Variants in PPRC1 observed in about 807,000 individuals in gnomAD.
PPRC1 encodes peroxisome proliferator-activated receptor gamma coactivator-related protein 1.
Under a neutral mutation model 132.5 loss-of-function variants are expected in PPRC1, and 23 were observed. The observed-to-expected ratio is 0.17, with a 90% CI of 0.12 to 0.25. The LOEUF is 0.25. PPRC1 is among the 10% of genes least tolerant of loss of function. PPRC1 has a pLI of 1.00. For synonymous variants in PPRC1, 872 were observed against 833.5 expected (o/e 1.05, Z -0.80); for missense variants, 2,006 against 2,089.1 (o/e 0.96, Z 0.78).
At chr10:102,143,900 G>C (rs577236780) in intron 6 of PPRC1, among the ~76,000 whole-genome samples, 1 of 152,314 alleles carries the variant, frequency 6.6e-6, no homozygotes, top group South Asian at 2.1e-4. Flanking sequence ...AATGATTCCT[G>C]AGTTGGTAAC....
chr10:102,120,389 G>T, the PPRC1 span: 3 of 981,506 alleles, frequency 3.1e-6, no homozygotes, highest in Non-Finnish European at 3.6e-6. Flanking sequence ...GCGTGTGTGC[G>T]CGTGTGCGTG....
chr10:102,135,867 T>C (rs1049859449), intron 1 of PPRC1, among the ~76,000 whole-genome samples: 1 of 152,198 alleles, frequency 6.6e-6, no homozygotes, highest in Admixed American at 6.5e-5. Context: ...GAGGTGCTGA[T>C]GGCTGGCTTA....
chr10:102,145,438 G>T (rs768390584), intron 8 of PPRC1, among the ~76,000 whole-genome samples: 1 of 152,066 alleles, frequency 6.6e-6, no homozygotes, highest in Non-Finnish European at 1.5e-5. Context: ...GGGCGTGGTG[G>T]TACACGCCTG....
At chr10:102,126,414 C>T in the PPRC1 span, among the ~76,000 whole-genome samples, 1 of 151,206 alleles carries the variant, frequency 6.6e-6, no homozygotes, top group East Asian at 1.9e-4. Context: ...GGCCAAACCT[C>T]CAGCATCTAA....
Position 102,133,051 on chromosome 10 carries a change from G to A in PPRC1, c.-18G>A. 8.1e-7 allele frequency: 1 copy of A among 1,240,500 alleles called. No individual in the cohort carries two copies. Among genetic ancestry groups the A allele is most frequent in the Middle Eastern group, 2.9e-4 (1 of 3,412 alleles). 76.8% of individuals were successfully genotyped at this position (1,240,500 alleles called of 1,614,324 possible). A position where few individuals can be genotyped will look rare whatever the true frequency, so the allele number is the denominator to read the frequency against. Reference sequence around the variant, plus strand: ...CGGCGCCAGCGATCAGAGCAGCGCTGGGTGTTCAGGGGCCAAGATGGCGGC... The same window carrying A: ...CGGCGCCAGCGATCAGAGCAGCGCTAGGTGTTCAGGGGCCAAGATGGCGGC... On this transcript the variant is annotated 5_prime_UTR_variant, in exon 1 of 14. Coordinates refer to ENST00000278070, the MANE Select transcript of PPRC1 (RefSeq NM_015062.5).
At chr10:102,144,140 A>G (rs113741724) in intron 6 of PPRC1, 110 bp from the exon 7 acceptor site, 7 of 991,016 alleles carry the variant, frequency 7.1e-6, no homozygotes, top group African/African-American at 4.8e-5. Flanking sequence ...CCAACAGGGA[A>G]TATGTAGGCA....
Position 102,147,183 on chromosome 10 carries a change from C to G in PPRC1, c.4191C>G (p.Ala1397=), listed in dbSNP as rs749092947. The G allele has an allele frequency of 6.2e-7, 1 of 1,614,136 alleles. No individual in the cohort carries two copies. Among genetic ancestry groups the G allele is most frequent in the East Asian group, 2.2e-5 (1 of 44,878 alleles). ...CTAGGACTCCCCCTGAACCCTCAGCCAAGCAGCGGTCAATGCGCTGTTACC... is the reference window on the plus strand; with the variant it reads ...CTAGGACTCCCCCTGAACCCTCAGCGAAGCAGCGGTCAATGCGCTGTTACC... ...MNTRTPPEPS[A]KQRSMRCYRK... The change falls in exon 9 of 14, where the codon GCC becomes GCG. Residue 1397 remains alanine (A), a synonymous_variant. Transcript: ENST00000278070.
chr10:102,125,738 A>G, the PPRC1 span, among the ~76,000 whole-genome samples: 1 of 151,666 alleles, frequency 6.6e-6, no homozygotes, highest in African/African-American at 2.4e-5. Flanking sequence ...GTTTGTCCCA[A>G]CTCCTAGAAC....
rs757575100 is a variant in PPRC1, at chr10:102,146,886, T to C, written c.3894T>C (p.Tyr1298=). Residue 1298 remains tyrosine (Y), a synonymous_variant, in exon 9 of 14, where the codon TAT becomes TAC. Coordinates refer to ENST00000278070, the MANE Select transcript of PPRC1 (RefSeq NM_015062.5). ...RVHVGSGDHD[Y]CVRSRTPPKK... ...ATGTGGGCTCTGGGGACCATGACTA[T>C]TGTGTCCGGAGCAGGACCCCCCCAA... 3.7e-6 allele frequency: 6 copies of C among 1,614,058 alleles called. No homozygotes were observed. Among genetic ancestry groups the C allele is most frequent in the South Asian group, 1.1e-5 (1 of 91,078 alleles).
chr10:102,137,860 A>T lies in PPRC1; in HGVS notation c.164A>T (p.His55Leu). 1 of 1,613,682 alleles carries T rather than the reference A, an allele frequency of 6.2e-7. No homozygotes were observed. The highest frequency in any genetic ancestry group is 2.2e-5 in the East Asian group (1 of 44,872). Residue 55 changes from histidine (H) to leucine (L), a missense_variant, in exon 2 of 14, where the codon CAT (histidine) becomes CTT (leucine). Coordinates refer to ENST00000278070, the MANE Select transcript of PPRC1 (RefSeq NM_015062.5). ...TCTTCTCTGCTCCAGGTGCTGCTGC[A>T]TGAGGAGGCGGGTGATTCTGGCTTT... is the stretch of plus-strand genomic sequence containing the variant. The part of the protein sequence containing the change: ...AVSGGEQVLL[H>L]EEAGDSGFVS...
upstream of PPRC1, chr10:102,132,847 C>T (rs868663867): frequency 2.1e-5 from 11 of 524,530 alleles, no homozygotes; most frequent in Middle Eastern, 5.4e-4. Flanking sequence ...TACAGGATGC[C>T]TGCAGCTAGT....
In PPRC1 at chr10:102,144,936, C is replaced by T. The variant is rs977220015; in HGVS notation, c.3609-84C>T. On this transcript the variant is annotated intron_variant, in intron 7 of 13. Coordinates refer to ENST00000278070, the MANE Select transcript of PPRC1 (RefSeq NM_015062.5). ...ATCCCATTCTTCTCTGCACCCACCC[C>T]CTCCCATTGATTTCTGAGAAAGGCA... is the stretch of plus-strand genomic sequence containing the variant. The T allele has an allele frequency of 3.6e-6, 4 of 1,114,280 alleles. No individual in the cohort carries two copies. In the Admixed American group the frequency reaches 7.7e-5, roughly 22 times the overall value. 69.0% of individuals were successfully genotyped at this position (1,114,280 alleles called of 1,614,324 possible).
Position 102,139,866 on chromosome 10 carries a change from C to T in PPRC1, c.1358C>T (p.Ser453Phe), listed in dbSNP as rs1361781362. The T allele has an allele frequency of 1.9e-6, 3 of 1,614,178 alleles. No individual in the cohort carries two copies. Among genetic ancestry groups the T allele is most frequent in the Non-Finnish European group, 2.5e-6 (3 of 1,180,038 alleles). The change falls in exon 5 of 14, where the codon TCC becomes TTC. Residue 453 changes from serine to phenylalanine, a missense_variant. Around this residue, in one of 2 missense-constraint regions of PPRC1, gnomAD observed 1,914 missense variants for 1,917.2 expected, o/e 1.00. Transcript: ENST00000278070. ...CCACCTGCCAATGCAGCACCAGGTT[C>T]CCAGAGAGCTCGAAAGGGCAGGAAG... is the stretch of plus-strand genomic sequence containing the variant. ...QNPPANAAPGSQRARKGRKKK... is the reference protein window; with the variant it reads ...QNPPANAAPGFQRARKGRKKK...
At chr10:102,143,519 A>C (rs1457628851) in intron 6 of PPRC1, among the ~76,000 whole-genome samples, 2 of 151,716 alleles carry the variant, frequency 1.3e-5, no homozygotes, top group African/African-American at 4.9e-5. Context: ...GAATTGTTTG[A>C]ACCCAGCAGG....
upstream of PPRC1, among the ~76,000 whole-genome samples, chr10:102,128,299 C>T (rs941105965): frequency 2.0e-5 from 3 of 151,986 alleles, no homozygotes; most frequent in African/African-American, 7.2e-5. Context: ...GCCACCACGC[C>T]CAGCTAATTT....
the PPRC1 span, among the ~76,000 whole-genome samples, chr10:102,126,513 C>T: frequency 2.7e-5 from 4 of 146,168 alleles, no homozygotes; most frequent in African/African-American, 5.1e-5. Flanking sequence ...GGTTGGAGTG[C>T]GGTGGTGCGA....
chr10:102,143,372 G>A (rs1042621280), intron 6 of PPRC1, among the ~76,000 whole-genome samples: 2 of 152,176 alleles, frequency 1.3e-5, no homozygotes, highest in African/African-American at 4.8e-5. Context: ...AAGCTGAGGC[G>A]GGTGGATCAT....
At position 102,138,948 on chromosome 10, in the gene PPRC1, G is replaced by A; in HGVS notation, c.559G>A (p.Gly187Arg). Residue 187 changes from glycine (G) to arginine (R), a missense_variant, in exon 4 of 14, where the codon GGG (glycine) becomes AGG (arginine). Coordinates refer to ENST00000278070, the MANE Select transcript of PPRC1 (RefSeq NM_015062.5). Reference sequence around the variant, plus strand: ...CCTCATCACCCCAGTTGACCCACTGGGGCCCAGTACAGGCAGCAGTAGAGG... The same window carrying A: ...CCTCATCACCCCAGTTGACCCACTGAGGCCCAGTACAGGCAGCAGTAGAGG... Reference protein sequence around the residue: ...RDLITPVDPLGPSTGSSRGSG... With the variant: ...RDLITPVDPLRPSTGSSRGSG... 1 of 1,614,072 alleles carries A rather than the reference G, an allele frequency of 6.2e-7. No homozygotes were observed. Among genetic ancestry groups the A allele is most frequent in the Non-Finnish European group, 8.5e-7 (1 of 1,179,964 alleles).
intron 3 of PPRC1, 44 bp downstream of exon 3, chr10:102,138,809 C>G (rs1412007365): frequency 2.5e-6 from 4 of 1,613,436 alleles, no homozygotes; most frequent in South Asian, 1.1e-5. Flanking sequence ...AAAGTTTAGA[C>G]CCATGCCTGT....
Sources: gnomAD v4.1 joint callset for allele counts (sites outside exome capture counted in the v4.1 genomes callset) on GRCh38, gnomAD v4.1.1 for gene constraint, gnomAD v4.1.1 regional missense constraint, MANE v1.5 for transcripts, NCBI Gene and HGNC (gene_info 2026-07-23, HGNC 2026-07-21) for gene names.